Variants in FAM221A observed in about 807,000 individuals in gnomAD.
FAM221A encodes the protein family with sequence similarity 221 member A.
Under a neutral mutation model 37.6 loss-of-function variants are expected in FAM221A, and 43 were observed. That is an observed-to-expected ratio of 1.15 (90% CI 0.90 to 1.48). The LOEUF is 1.48. Among genes scored for constraint, FAM221A ranks in the 40% most tolerant of loss-of-function variants. FAM221A has a pLI of 0.00. For missense variants in FAM221A, 361 were observed against 361.5 expected (o/e 1.00, Z 0.01); for synonymous variants, 135 against 132.9 (o/e 1.02, Z -0.11).
At chr7:23,696,164 G>C (rs762781954) in intron 4 of FAM221A, among the ~76,000 whole-genome samples, 1 of 152,232 alleles carries the variant, frequency 6.6e-6, no homozygotes, top group Non-Finnish European at 1.5e-5. Flanking sequence ...TGTTCATCAT[G>C]CTACTGTACT....
At chr7:23,696,847 G>A (rs984081153) in intron 4 of FAM221A, among the ~76,000 whole-genome samples, 1 of 152,182 alleles carries the variant, frequency 6.6e-6, no homozygotes, top group Admixed American at 6.5e-5. Flanking sequence ...CTAGACCGAG[G>A]AAACCTCTTG....
rs934342662 is a variant in FAM221A, at chr7:23,681,640, T to C, written c.65+1357T>C. Among the ~76,000 whole-genome samples the C allele has an allele frequency of 4.6e-5, 7 of 152,318 alleles. No individual in the cohort carries two copies. In the South Asian group the frequency reaches 1.2e-3, roughly 27 times the overall value. On this transcript the variant is annotated intron_variant, in intron 1 of 6. Transcript: ENST00000344962. ...CCAGGCTGGTCTTGAACTCCTGGAC[T>C]CAAGCTATCCACCTGCCTCGGCCTC...
At chr7:23,701,128 A>T (rs1785400314) in intron 6 of FAM221A, among the ~76,000 whole-genome samples, 1 of 152,164 alleles carries the variant, frequency 6.6e-6, no homozygotes, top group Admixed American at 6.5e-5. Context: ...AAACATCAAT[A>T]TCAGCAGATT....
chr7:23,691,698 T>A, intron 4 of FAM221A, 102 bp downstream of exon 4: 1 of 978,070 alleles, frequency 1.0e-6, no homozygotes, highest in Non-Finnish European at 1.5e-6. Flanking sequence ...TATTTTTCTT[T>A]CAGAAAACAT....
At chr7:23,691,273 G>A in intron 3 of FAM221A, 117 bp from the exon 4 acceptor site, 1 of 861,194 alleles carries the variant, frequency 1.2e-6, no homozygotes. Flanking sequence ...GTGGCTGGAG[G>A]TAAGAGTTAC....
At chr7:23,694,746 C>G (rs904247710) in intron 4 of FAM221A, 4 of 152,202 alleles carry the variant, frequency 2.6e-5, no homozygotes, top group Non-Finnish European at 5.9e-5. Flanking sequence ...GCTCTCTAGT[C>G]TGCCACATTG....
intron 4 of FAM221A, among the ~76,000 whole-genome samples, chr7:23,697,729 A>G (rs1009626567): frequency 6.6e-6 from 1 of 152,052 alleles, no homozygotes; most frequent in Non-Finnish European, 1.5e-5. Context: ...ACTTTTACCC[A>G]TTTGCTTTTA....
chr7:23,702,628 A>C lies in FAM221A; in HGVS notation c.*464A>C, dbSNP rs1317711542. On this transcript the variant is annotated 3_prime_UTR_variant, in exon 7 of 7. Transcript: ENST00000344962. ...TGTAATGTTATGTTTTCAAATAAAA[A>C]CTATCTCAAAATTTTACAACCATTT... 3 of 151,994 alleles carry C rather than the reference A, an allele frequency of 2.0e-5. No individual in the cohort carries two copies. The highest frequency in any genetic ancestry group is 7.3e-5 in the African/African-American group (3 of 41,370). 9.4% of individuals were successfully genotyped at this position (151,994 alleles called of 1,614,324 possible). A position where few individuals can be genotyped will look rare whatever the true frequency, so the allele number is the denominator to read the frequency against.
intron 1 of FAM221A, among the ~76,000 whole-genome samples, chr7:23,681,969 C>T (rs1302685444): frequency 6.6e-6 from 1 of 152,098 alleles, no homozygotes; most frequent in African/African-American, 2.4e-5. Context: ...GGAGGGGAAG[C>T]ATGCAGCCTT....
rs1027789317 is a variant in FAM221A, at chr7:23,702,582, ATTTT to A, written c.*422_*425del. 1 of 152,386 alleles carries A rather than the reference ATTTT, an allele frequency of 6.6e-6. No homozygotes were observed. Among genetic ancestry groups the A allele is most frequent in the East Asian group, 1.9e-4 (1 of 5,208 alleles). 9.4% of individuals were successfully genotyped at this position (152,386 alleles called of 1,614,324 possible). A position where few individuals can be genotyped will look rare whatever the true frequency, so the allele number is the denominator to read the frequency against. On this transcript the variant is annotated 3_prime_UTR_variant, in exon 7 of 7. Coordinates refer to ENST00000344962, the MANE Select transcript of FAM221A (RefSeq NM_199136.5). The stretch of plus-strand genomic sequence containing the variant: ...AAGAAAAAAATAGTTAAAATCATTA[ATTTT>A]TTTATTTTTCAAACTTTGTAATGTT...
At chr7:23,689,168 T>C in intron 2 of FAM221A, 101 bp from the exon 3 acceptor site, 1 of 731,328 alleles carries the variant, frequency 1.4e-6, no homozygotes, top group Admixed American at 2.7e-5. Context: ...AATAAAGCAA[T>C]AATAATTAAA....
At chr7:23,696,564 A>G (rs537655566) in intron 4 of FAM221A, among the ~76,000 whole-genome samples, 23 of 152,324 alleles carry the variant, frequency 1.5e-4, no homozygotes, top group Non-Finnish European at 2.9e-4. Context: ...ACCCTGCCTC[A>G]AAGTAAATAA....
chr7:23,690,197 ATATT>A (rs1300393171), intron 3 of FAM221A, among the ~76,000 whole-genome samples: 46 of 36,422 alleles, frequency 1.3e-3, no homozygotes, highest in African/African-American at 4.1e-3. Context: ...ATATATATAT[ATATT>A]TTTTTTTTTT....
At chr7:23,693,610 T>C (rs1562525305) in intron 4 of FAM221A, 1 of 152,060 alleles carries the variant, frequency 6.6e-6, no homozygotes, top group Non-Finnish European at 1.5e-5. Flanking sequence ...CTTTACAGTT[T>C]AGAAATTTTG....
intron 5 of FAM221A, among the ~76,000 whole-genome samples, chr7:23,699,300 T>C (rs2893125): frequency 1.9e-5 from 1 of 53,680 alleles, no homozygotes; most frequent in Non-Finnish European, 4.1e-5. Flanking sequence ...AACTTTTTTT[T>C]TGCAGCAGCA....
chr7:23,702,057 T>C (rs747124999), intron 6 of FAM221A, 39 bp from the exon 7 acceptor site: 1 of 1,415,682 alleles, frequency 7.1e-7, no homozygotes, highest in Admixed American at 2.1e-5. Flanking sequence ...TTAGAATGGT[T>C]TACAAGTTAT....
intron 2 of FAM221A, among the ~76,000 whole-genome samples, chr7:23,685,256 G>GCAAAACAAAA (rs58823921): frequency 9.6e-4 from 143 of 148,858 alleles, no homozygotes; most frequent in Non-Finnish European, 1.4e-3. Flanking sequence ...TCAAAACAAA[G>GCAAAACAAAA]CAAAACAAAA....
chr7:23,682,591 A>G (rs923961345), intron 1 of FAM221A, among the ~76,000 whole-genome samples: 1 of 151,634 alleles, frequency 6.6e-6, no homozygotes, highest in African/African-American at 2.4e-5. Context: ...CAAAATACTA[A>G]TTTTTGTATT....
At chr7:23,681,763 T>C (rs1219851858) in intron 1 of FAM221A, among the ~76,000 whole-genome samples, 1 of 152,198 alleles carries the variant, frequency 6.6e-6, no homozygotes, top group Non-Finnish European at 1.5e-5. Flanking sequence ...TGAAAGAGAT[T>C]ATCAGGTCCT....
Sources: allele counts gnomAD v4.1 joint callset (sites outside exome capture counted in the v4.1 genomes callset), GRCh38; gene constraint gnomAD v4.1.1; transcripts MANE v1.5; gene names NCBI Gene and HGNC (gene_info 2026-07-23, HGNC 2026-07-21).